MACROD2: variants seen among roughly 807,000 people sequenced by gnomAD.
MACROD2 encodes ADP-ribose glycohydrolase MACROD2.
MACROD2 carries 36 observed loss-of-function variants against 70.4 expected under a neutral mutation model. The observed-to-expected ratio is 0.51, with a 90% CI of 0.39 to 0.68. The LOEUF (loss-of-function observed/expected upper bound fraction) is 0.68. MACROD2 is among the 30% of genes least tolerant of loss of function. The pLI is 0.00. For missense variants in MACROD2, 496 were observed against 538.4 expected (o/e 0.92, Z 0.78); for synonymous variants, 172 against 178.8 (o/e 0.96, Z 0.30).
intron 3 of MACROD2, among the ~76,000 whole-genome samples, chr20:14,264,190 CACTACTGG>C (rs1291460913): frequency 6.6e-6 from 1 of 152,018 alleles, no homozygotes; most frequent in Non-Finnish European, 1.5e-5. Context: ...CACCAATTTG[CACTACTGG>C]ACGTACCAGG....
rs562320911 is a variant in MACROD2 at position 14,488,973 on chromosome 20, C to G, written c.272-4506C>G. 1.1e-4 allele frequency among the ~76,000 whole-genome samples: 16 copies of G among 152,228 alleles called. No individual in the cohort carries two copies. In the South Asian group the frequency reaches 3.3e-3, roughly 32 times the overall value. On this transcript the variant is annotated intron_variant, in intron 3 of 17. Coordinates refer to ENST00000684519, the MANE Select transcript of MACROD2 (RefSeq NM_001351661.2). ...CAAGTAAGACTTCCAATCTCTGATG[C>G]CTTTTCACCTATTTATTAGTAGTAG...
chr20:14,771,222 T>G (rs2072160484), intron 5 of MACROD2, among the ~76,000 whole-genome samples: 1 of 152,066 alleles, frequency 6.6e-6, no homozygotes, highest in Non-Finnish European at 1.5e-5. Flanking sequence ...CCTCCAGTTC[T>G]CAGAACTACA....
At chr20:14,602,360 A>G (rs893551111) in intron 4 of MACROD2, among the ~76,000 whole-genome samples, 2 of 152,170 alleles carry the variant, frequency 1.3e-5, no homozygotes, top group Admixed American at 6.5e-5. Context: ...GTGTTAAGGG[A>G]TGGACTTTTT....
At chr20:14,582,865 C>T (rs748893582) in intron 4 of MACROD2, among the ~76,000 whole-genome samples, 4 of 152,068 alleles carry the variant, frequency 2.6e-5, no homozygotes, top group Non-Finnish European at 5.9e-5. Context: ...ATAAGAGGCA[C>T]ACAGGAGGAG....
At position 15,184,874 on chromosome 20, in the gene MACROD2, A is replaced by C. The variant is rs533856703; in HGVS notation, c.419-45066A>C. ...AATATATGTTTAAAATACACCTGCA[A>C]GTCATATTGTTGGCCCTAGAGACAA... On this transcript the variant is annotated intron_variant, in intron 5 of 17. Transcript: ENST00000684519. Among the ~76,000 whole-genome samples, 9 of 152,336 alleles carry C rather than the reference A, an allele frequency of 5.9e-5. No individual in the cohort carries two copies. In the South Asian group the frequency reaches 1.9e-3, roughly 32 times the overall value.
intron 5 of MACROD2, among the ~76,000 whole-genome samples, chr20:15,215,117 T>C (rs978574133): frequency 6.6e-6 from 1 of 152,202 alleles, no homozygotes; most frequent in Non-Finnish European, 1.5e-5. Flanking sequence ...GTGTATTATA[T>C]TTATAAAAGA....
intron 4 of MACROD2, among the ~76,000 whole-genome samples, chr20:14,680,048 T>C (rs555460383): frequency 6.9e-4 from 105 of 152,268 alleles, no homozygotes; most frequent in African/African-American, 2.4e-3. Flanking sequence ...ACTTAACTCA[T>C]ATGGTAAGTG....
intron 3 of MACROD2, among the ~76,000 whole-genome samples, chr20:14,475,937 C>T (rs995143956): frequency 4.6e-5 from 7 of 151,802 alleles, no homozygotes; most frequent in African/African-American, 7.3e-5. Flanking sequence ...TTTCCTGTAC[C>T]TGAATATTCA....
chr20:15,832,776 A>G (rs1022583037), intron 8 of MACROD2, among the ~76,000 whole-genome samples: 2 of 152,224 alleles, frequency 1.3e-5, no homozygotes, highest in Non-Finnish European at 2.9e-5. Flanking sequence ...CTGAGAGTGC[A>G]GCCTGGAACC....
chr20:15,404,351 T>G (rs186228318), intron 6 of MACROD2, among the ~76,000 whole-genome samples: 2 of 152,358 alleles, frequency 1.3e-5, no homozygotes, highest in African/African-American at 4.8e-5. Flanking sequence ...CACAATTGTT[T>G]TTAATGCTAC....
intron 6 of MACROD2, among the ~76,000 whole-genome samples, chr20:15,304,763 C>T (rs968221878): frequency 6.6e-6 from 1 of 152,030 alleles, no homozygotes; most frequent in African/African-American, 2.4e-5. Context: ...TTTAGCCAAT[C>T]GGGTCTAGCT....
intron 5 of MACROD2, among the ~76,000 whole-genome samples, chr20:14,853,489 A>G (rs1380975148): frequency 6.9e-6 from 1 of 145,020 alleles, no homozygotes; most frequent in Non-Finnish European, 1.5e-5. Context: ...TAGAAGACAA[A>G]GCTGTATAAA....
At chr20:15,084,941 G>A (rs1210575798) in intron 5 of MACROD2, among the ~76,000 whole-genome samples, 1 of 152,058 alleles carries the variant, frequency 6.6e-6, no homozygotes, top group African/African-American at 2.4e-5. Flanking sequence ...GGAAACTCAG[G>A]GGACCTAGAA....
At chr20:14,117,674 T>C (rs1227634461) in intron 3 of MACROD2, among the ~76,000 whole-genome samples, 1 of 152,232 alleles carries the variant, frequency 6.6e-6, no homozygotes, top group Admixed American at 6.5e-5. Flanking sequence ...TCATGACTCT[T>C]CATTTCCTTT....
chr20:15,265,499 T>G (rs1011185418), intron 6 of MACROD2, among the ~76,000 whole-genome samples: 1 of 152,220 alleles, frequency 6.6e-6, no homozygotes. Flanking sequence ...TTTCAATATA[T>G]TAAGAGCAGG....
At chr20:15,043,729 A>G (rs534749941) in intron 5 of MACROD2, among the ~76,000 whole-genome samples, 2 of 152,114 alleles carry the variant, frequency 1.3e-5, no homozygotes, top group African/African-American at 2.4e-5. Context: ...TTCAGATGCC[A>G]GTCACACATC....
At chr20:14,528,269 C>G (rs2085257843) in intron 4 of MACROD2, among the ~76,000 whole-genome samples, 1 of 150,874 alleles carries the variant, frequency 6.6e-6, no homozygotes, top group Non-Finnish European at 1.5e-5. Context: ...GCCACCACAC[C>G]TGGCTGATTT....
intron 5 of MACROD2, among the ~76,000 whole-genome samples, chr20:15,035,791 G>A (rs1045777753): frequency 6.6e-6 from 1 of 152,116 alleles, no homozygotes; most frequent in Non-Finnish European, 1.5e-5. Flanking sequence ...CCCCAACTTG[G>A]GGCCTACCAG....
intron 12 of MACROD2, among the ~76,000 whole-genome samples, chr20:15,955,995 T>C (rs1417756664): frequency 6.6e-6 from 1 of 152,206 alleles, no homozygotes; most frequent in African/African-American, 2.4e-5. Flanking sequence ...AAATAAATTA[T>C]TGATACAATA....
Sources: allele counts gnomAD v4.1 joint callset (sites outside exome capture counted in the v4.1 genomes callset), GRCh38; gene constraint gnomAD v4.1.1; transcripts MANE v1.5; gene names NCBI Gene and HGNC (gene_info 2026-07-23, HGNC 2026-07-21).